Variants in CMTR1 observed in about 807,000 individuals in gnomAD.
CMTR1 encodes the protein cap-specific mRNA (nucleoside-2'-O-)-methyltransferase 1.
In CMTR1, 39 loss-of-function variants were observed where a neutral mutation model predicts 107.0. That is an observed-to-expected ratio of 0.36 (90% CI 0.28 to 0.48). CMTR1 has a LOEUF of 0.48. Ranked by LOEUF, CMTR1 falls within the 20% of genes least tolerant of loss-of-function variation. The pLI is 0.99. For missense variants in CMTR1, 672 were observed against 1,064.9 expected (o/e 0.63, Z 5.14); for synonymous variants, 366 against 379.5 (o/e 0.96, Z 0.41).
chr6:37,428,316 TGTTGTTAG>T (rs1771321341), upstream of CMTR1, among the ~76,000 whole-genome samples: 1 of 152,180 alleles, frequency 6.6e-6, no homozygotes, highest in African/African-American at 2.4e-5. Context: ...GTTGTGTTGT[TGTTGTTAG>T]GTTGTGACGA....
chr6:37,477,612 T>TG lies in CMTR1; in HGVS notation c.2128dup (p.Glu710GlyfsTer30). 1 of 1,613,832 alleles carries TG rather than the reference T, an allele frequency of 6.2e-7. No homozygotes were observed. Among genetic ancestry groups the TG allele is most frequent in the Non-Finnish European group, 8.5e-7 (1 of 1,179,820 alleles). On this transcript the variant is annotated frameshift_variant, in exon 21 of 24. Coordinates refer to ENST00000373451, the MANE Select transcript of CMTR1 (RefSeq NM_015050.3). LOFTEE classifies it high-confidence loss of function. ...TGCAGGGTGAAGGAGGTGTACAGAC[T>TG]GGAAGAGATGGAGAAGATTTTTGTC...
intron 4 of CMTR1, 64 bp from the exon 5 acceptor site, chr6:37,450,187 T>G: frequency 8.0e-5 from 109 of 1,365,080 alleles, no homozygotes; most frequent in Middle Eastern, 1.9e-4. Context: ...GAAGTCCTGA[T>G]GAGTTGGGGT....
chr6:37,435,797 A>G (rs1387452209), intron 2 of CMTR1, 35 bp downstream of exon 2: 6 of 1,550,084 alleles, frequency 3.9e-6, no homozygotes, highest in Non-Finnish European at 3.5e-6. Context: ...GCCACTGGCC[A>G]TCTGGTTATT....
chr6:37,469,326 CAT>C lies in CMTR1; in HGVS notation c.1506-1694_1506-1693del, dbSNP rs570501869. ...TTATACCTGTTGTTTTTCTGTATGT[CAT>C]GTGTCTTTTTCCCCTCTGGCTGCTT... On this transcript the variant is annotated intron_variant, in intron 13 of 23. Transcript: ENST00000373451. 1.4e-3 allele frequency among the ~76,000 whole-genome samples: 214 copies of C among 151,996 alleles called. 1 individual carries two copies. Among genetic ancestry groups the C allele is most frequent in the African/African-American group, 4.9e-3 (202 of 41,468 alleles).
intron 5 of CMTR1, among the ~76,000 whole-genome samples, chr6:37,451,028 G>GA (rs1397793042): frequency 6.6e-6 from 1 of 152,068 alleles, no homozygotes; most frequent in Non-Finnish European, 1.5e-5. Flanking sequence ...TGCAAAAATG[G>GA]AAAACAGTAC....
intron 2 of CMTR1, among the ~76,000 whole-genome samples, chr6:37,438,074 TTG>T (rs1771579998): frequency 6.6e-6 from 1 of 152,162 alleles, no homozygotes; most frequent in Non-Finnish European, 1.5e-5. Context: ...ACTATTGCTG[TTG>T]TGTGTGTAGA....
rs564173233 is a variant in CMTR1 at position 37,468,621 on chromosome 6, C to T, written c.1506-2400C>T. Among the ~76,000 whole-genome samples, 7 of 152,260 alleles carry T rather than the reference C, an allele frequency of 4.6e-5. No homozygotes were observed. In the South Asian group the frequency reaches 8.3e-4, roughly 18 times the overall value. ...TATTTAGGCCAGGCATGGTGGCTCA[C>T]GCCTGTAATCCCAGGACTTTGGGAG... On this transcript the variant is annotated intron_variant, in intron 13 of 23. Coordinates refer to ENST00000373451, the MANE Select transcript of CMTR1 (RefSeq NM_015050.3).
At chr6:37,453,335 G>C in intron 8 of CMTR1, 23 bp downstream of exon 8, 3 of 1,608,226 alleles carry the variant, frequency 1.9e-6, no homozygotes, top group Non-Finnish European at 2.6e-6. Context: ...TTCTGCTTCT[G>C]AATTCATGGT....
rs1385457730 is a variant in CMTR1, at chr6:37,458,234, T to G, written c.778-378T>G. Among the ~76,000 whole-genome samples the G allele has an allele frequency of 6.6e-6, 1 of 152,084 alleles. No homozygotes were observed. Among genetic ancestry groups the G allele is most frequent in the Non-Finnish European group, 1.5e-5 (1 of 68,010 alleles). ...CACACCTGGCTAATTTTTTGTATTT[T>G]TAGTAGAGACAGGGTTTTACCACGT... On this transcript the variant is annotated intron_variant, in intron 8 of 23. Coordinates refer to ENST00000373451, the MANE Select transcript of CMTR1 (RefSeq NM_015050.3). This position sits in a 1 kb window ranked among gnomAD's most constrained non-coding sequence, Gnocchi z 4.7.
intron 18 of CMTR1, among the ~76,000 whole-genome samples, chr6:37,474,962 G>C (rs951067767): frequency 6.6e-6 from 1 of 152,188 alleles, no homozygotes; most frequent in Non-Finnish European, 1.5e-5. Flanking sequence ...GGAAACAAGA[G>C]ACTTGTTTCT....
rs1432770608 is a variant in CMTR1 at position 37,451,891 on chromosome 6, G to C, written c.609+14G>C. 6.2e-7 allele frequency: 1 copy of C among 1,606,112 alleles called. No homozygotes were observed. The highest frequency in any genetic ancestry group is 1.3e-5 in the African/African-American group (1 of 74,912). On this transcript the variant is annotated intron_variant, in intron 6 of 23. Transcript: ENST00000373451. Reference sequence around the variant, plus strand: ...TTGCAGTGTAAGGTAAGGTCTTGTGGCTAGAACCAGATAATGAAAACCTTG... The same window carrying C: ...TTGCAGTGTAAGGTAAGGTCTTGTGCCTAGAACCAGATAATGAAAACCTTG...
the CMTR1 span, among the ~76,000 whole-genome samples, chr6:37,425,223 C>T: frequency 6.6e-6 from 1 of 151,120 alleles, no homozygotes; most frequent in Non-Finnish European, 1.5e-5. Flanking sequence ...AAATTTTTCC[C>T]TCACTTTTGA....
At chr6:37,475,257 T>C in intron 18 of CMTR1, 64 bp from the exon 19 acceptor site, 1 of 1,260,114 alleles carries the variant, frequency 7.9e-7, no homozygotes, top group South Asian at 1.2e-5. Context: ...CATGCCATGG[T>C]GGGTAGTGGG....
intron 2 of CMTR1, among the ~76,000 whole-genome samples, chr6:37,437,616 C>T (rs1771564848): frequency 6.6e-6 from 1 of 151,626 alleles, no homozygotes; most frequent in African/African-American, 2.4e-5. Flanking sequence ...AAAGATTGGA[C>T]ACCTCTGCTT....
intron 21 of CMTR1, 94 bp from the exon 22 acceptor site, chr6:37,478,315 G>A: frequency 1.0e-6 from 1 of 963,072 alleles, no homozygotes. Flanking sequence ...ACCAGGATCA[G>A]ATACTGCAGT....
chr6:37,468,451 C>T (rs115776758), intron 13 of CMTR1, among the ~76,000 whole-genome samples: 1,775 of 152,278 alleles, frequency 0.012, 15 homozygotes, highest in Non-Finnish European at 0.018. Context: ...GACATACTTA[C>T]CTTTCTGGTG....
At position 37,472,593 on chromosome 6, in the gene CMTR1, A is replaced by T; in HGVS notation, c.1689+106A>T. 1.8e-6 allele frequency: 2 copies of T among 1,128,996 alleles called. No homozygotes were observed. Among genetic ancestry groups the T allele is most frequent in the Non-Finnish European group, 2.7e-6 (2 of 746,390 alleles). 69.9% of individuals were successfully genotyped at this position (1,128,996 alleles called of 1,614,324 possible). ...CATGGTCTCCAGAGGGCTTGTGCAG[A>T]TGCCCACCATGGGCTCTAAGGGGCG... On this transcript the variant is annotated intron_variant, in intron 16 of 23. Transcript: ENST00000373451. The surrounding 1 kb of genome is among the most constrained non-coding windows in gnomAD (Gnocchi z 4.1).
rs1761691731 is a variant in CMTR1, at chr6:37,474,393, T to TA, written c.1822-130dup. 5 of 1,048,584 alleles carry TA rather than the reference T, an allele frequency of 4.8e-6. No individual in the cohort carries two copies. The East Asian group carries it at 1.2e-4, about 26-fold the overall frequency. 65.0% of individuals were successfully genotyped at this position (1,048,584 alleles called of 1,614,324 possible). ...AAAGTATAATGGATTTAATCTCTCA[T>TA]AGACATTTTCTTCTGACATTTCCCA... On this transcript the variant is annotated intron_variant, in intron 17 of 23. Coordinates refer to ENST00000373451, the MANE Select transcript of CMTR1 (RefSeq NM_015050.3).
intron 3 of CMTR1, among the ~76,000 whole-genome samples, chr6:37,445,557 C>G (rs975305696): frequency 7.4e-6 from 1 of 134,420 alleles, no homozygotes; most frequent in African/African-American, 3.0e-5. Context: ...GGTGTGATCT[C>G]GGCTCACTGC....
Sources: allele counts gnomAD v4.1 joint callset (sites outside exome capture counted in the v4.1 genomes callset), GRCh38; gene constraint gnomAD v4.1.1; non-coding constraint Gnocchi (gnomAD v3.1); transcripts MANE v1.5; gene names NCBI Gene and HGNC (gene_info 2026-07-23, HGNC 2026-07-21).